Variants in THSD4 observed in about 807,000 individuals in gnomAD.
The protein encoded by THSD4 is thrombospondin type 1 domain containing 4.
A neutral mutation model predicts 119.0 loss-of-function variants in THSD4; 69 were observed. That is an observed-to-expected ratio of 0.58 (90% CI 0.48 to 0.71). The LOEUF is 0.71. Among genes scored for constraint, THSD4 ranks in the 30% least tolerant of loss-of-function variants. THSD4 has a pLI of 0.00. For missense variants in THSD4, 1,393 were observed against 1,391.1 expected, an observed-to-expected ratio of 1.00 and a Z score of -0.02; for synonymous variants, 524 against 540.4, an observed-to-expected ratio of 0.97 and a Z score of 0.42.
At chr15:71,690,748 A>C (rs2052030680) in intron 8 of THSD4, among the ~76,000 whole-genome samples, 1 of 152,174 alleles carries the variant, frequency 6.6e-6, no homozygotes, top group South Asian at 2.1e-4. Context: ...CAGGCAAAAA[A>C]AGGTTGTGCA....
intron 6 of THSD4, among the ~76,000 whole-genome samples, chr15:71,384,022 T>C (rs1218803507): frequency 6.6e-6 from 1 of 152,178 alleles, no homozygotes; most frequent in Non-Finnish European, 1.5e-5. Context: ...CTTTGCAACT[T>C]AGCTTCTGTT....
At chr15:71,673,691 C>T (rs1260235690) in intron 8 of THSD4, among the ~76,000 whole-genome samples, 1 of 152,210 alleles carries the variant, frequency 6.6e-6, no homozygotes, top group Non-Finnish European at 1.5e-5. Flanking sequence ...TACATTGTGT[C>T]TTTGTTCTCA....
chr15:71,736,776 C>A (rs1240527854), intron 10 of THSD4, among the ~76,000 whole-genome samples: 1 of 152,232 alleles, frequency 6.6e-6, no homozygotes, highest in Non-Finnish European at 1.5e-5. Context: ...CTAGGCTTTG[C>A]ACTCTTGGAA....
At chr15:71,296,076 G>A (rs1357014684) in intron 6 of THSD4, among the ~76,000 whole-genome samples, 1 of 152,126 alleles carries the variant, frequency 6.6e-6, no homozygotes, top group Non-Finnish European at 1.5e-5. Flanking sequence ...ATGGATATTT[G>A]ATCCAGTTGA....
At chr15:71,752,213 G>A (rs1053086154) in intron 14 of THSD4, among the ~76,000 whole-genome samples, 2 of 152,170 alleles carry the variant, frequency 1.3e-5, no homozygotes, top group Non-Finnish European at 2.9e-5. Context: ...TCATTCCTCT[G>A]TGTGTCTCCC....
Position 71,468,055 on chromosome 15 carries a change from G to T in THSD4, c.1152+56232G>T, listed in dbSNP as rs931800354. Among the ~76,000 whole-genome samples, 4 of 152,140 alleles carry T rather than the reference G, an allele frequency of 2.6e-5. No homozygotes were observed. In the East Asian group the frequency reaches 5.8e-4, roughly 22 times the overall value. On this transcript the variant is annotated intron_variant, in intron 7 of 17. Coordinates refer to ENST00000261862, the MANE Select transcript of THSD4 (RefSeq NM_024817.3). ...GTGGAAACGAGGTTTCATCATGTTG[G>T]CCAGGCTGGTCTCGAACTGCTGACC...
At chr15:71,558,318 A>C (rs1269519597) in intron 7 of THSD4, among the ~76,000 whole-genome samples, 1 of 151,828 alleles carries the variant, frequency 6.6e-6, no homozygotes, top group Non-Finnish European at 1.5e-5. Context: ...ACAGAATGAG[A>C]CTCTGTTTCA....
intron 7 of THSD4, among the ~76,000 whole-genome samples, chr15:71,580,938 T>C (rs2049547495): frequency 1.3e-5 from 2 of 152,086 alleles, no homozygotes; most frequent in African/African-American, 4.8e-5. Flanking sequence ...ACACACCCCA[T>C]ATTCTCTTTA....
At chr15:71,354,024 T>TGGTA (rs1209765244) in intron 6 of THSD4, among the ~76,000 whole-genome samples, 5 of 152,200 alleles carry the variant, frequency 3.3e-5, no homozygotes, top group Non-Finnish European at 7.3e-5. Flanking sequence ...CACCTGGGTG[T>TGGTA]GGTAGCTCAT....
At chr15:71,352,121 C>T (rs898319615) in intron 6 of THSD4, among the ~76,000 whole-genome samples, 4 of 152,166 alleles carry the variant, frequency 2.6e-5, no homozygotes, top group Admixed American at 6.5e-5. Flanking sequence ...TTGGCAGATT[C>T]GTGATTCCAT....
chr15:71,636,237 C>T (rs1234235018), intron 7 of THSD4, among the ~76,000 whole-genome samples: 7 of 152,230 alleles, frequency 4.6e-5, no homozygotes, highest in South Asian at 2.1e-4. Context: ...GTCTGACCAA[C>T]ATGGTGAAAC....
At chr15:71,255,212 C>T (rs2044302056) in intron 5 of THSD4, among the ~76,000 whole-genome samples, 1 of 152,044 alleles carries the variant, frequency 6.6e-6, no homozygotes, top group Non-Finnish European at 1.5e-5. Context: ...GCTCCTTTTC[C>T]TTCTGATTAT....
intron 6 of THSD4, among the ~76,000 whole-genome samples, chr15:71,368,869 C>A (rs1019984256): frequency 1.3e-5 from 2 of 152,132 alleles, no homozygotes; most frequent in Admixed American, 1.3e-4. Context: ...TATAAATTAC[C>A]TTGGGCAGTA....
At chr15:71,755,430 A>G (rs1167555762) in intron 14 of THSD4, among the ~76,000 whole-genome samples, 2 of 152,156 alleles carry the variant, frequency 1.3e-5, no homozygotes, top group Non-Finnish European at 2.9e-5. Flanking sequence ...TTTAAATTCT[A>G]TTGCTTTATT....
intron 6 of THSD4, among the ~76,000 whole-genome samples, chr15:71,309,205 C>T (rs1455068875): frequency 2.0e-5 from 3 of 152,208 alleles, no homozygotes; most frequent in Non-Finnish European, 4.4e-5. Flanking sequence ...CTGTCTCAGC[C>T]TCCCAAATTG....
intron 3 of THSD4, among the ~76,000 whole-genome samples, chr15:71,162,468 C>G (rs1003219019): frequency 4.6e-5 from 7 of 151,880 alleles, no homozygotes; most frequent in Non-Finnish European, 7.4e-5. Flanking sequence ...TCTCTCCTGG[C>G]CTGAAAGGTT....
At chr15:71,158,252 CA>C (rs1450238681) in intron 3 of THSD4, among the ~76,000 whole-genome samples, 1 of 148,874 alleles carries the variant, frequency 6.7e-6, no homozygotes, top group Non-Finnish European at 1.5e-5. Context: ...CTCCTGGGCT[CA>C]AGTGATTCTT....
At chr15:71,227,427 T>C (rs577418758) in intron 4 of THSD4, among the ~76,000 whole-genome samples, 1 of 152,324 alleles carries the variant, frequency 6.6e-6, no homozygotes, top group African/African-American at 2.4e-5. Context: ...AGCGCACACC[T>C]AGTGCCAGCC....
intron 8 of THSD4, among the ~76,000 whole-genome samples, chr15:71,668,074 A>G (rs533635500): frequency 1.3e-4 from 20 of 152,050 alleles, no homozygotes; most frequent in Non-Finnish European, 2.5e-4. Flanking sequence ...TGTACAGTGG[A>G]TGTACCATTA....
Sources: gnomAD v4.1 joint callset for allele counts (sites outside exome capture counted in the v4.1 genomes callset) on GRCh38, gnomAD v4.1.1 for gene constraint, MANE v1.5 for transcripts, NCBI Gene and HGNC (gene_info 2026-07-23, HGNC 2026-07-21) for gene names.